MOB3B: variants seen among roughly 807,000 people sequenced by gnomAD.
The protein encoded by MOB3B is MOB kinase activator 3B.
Under a neutral mutation model 18.7 loss-of-function variants are expected in MOB3B, and 7 were observed. That is an observed-to-expected ratio of 0.37 (90% CI 0.21 to 0.70). The LOEUF (loss-of-function observed/expected upper bound fraction) is 0.70. MOB3B is among the 30% of genes least tolerant of loss of function. MOB3B has a pLI of 0.52. For synonymous variants in MOB3B, 111 were observed against 99.9 expected (o/e 1.11, Z -0.66); for missense variants, 253 against 281.3 (o/e 0.90, Z 0.72).
chr9:27,467,383 A>C (rs1443544145), intron 1 of MOB3B, among the ~76,000 whole-genome samples: 1 of 152,222 alleles, frequency 6.6e-6, no homozygotes, highest in Non-Finnish European at 1.5e-5. Context: ...AGATAGGTAA[A>C]TGTCAAGTGT....
At chr9:27,414,606 T>A (rs1458744783) in intron 2 of MOB3B, among the ~76,000 whole-genome samples, 1 of 152,242 alleles carries the variant, frequency 6.6e-6, no homozygotes, top group Non-Finnish European at 1.5e-5. Context: ...TTATACTCCC[T>A]ATGGCCTTGG....
At chr9:27,393,782 A>C (rs1403992751) in intron 2 of MOB3B, among the ~76,000 whole-genome samples, 1 of 152,208 alleles carries the variant, frequency 6.6e-6, no homozygotes, top group African/African-American at 2.4e-5. Flanking sequence ...CACTTGCTTA[A>C]GATCACCCAG....
rs761064253 is a variant in MOB3B, at chr9:27,350,180, G to A, written c.621+8854C>T. Among the ~76,000 whole-genome samples the A allele has an allele frequency of 1.1e-3, 139 of 128,570 alleles. 1 individual carries two copies. The highest frequency in any genetic ancestry group is 4.1e-3 in the African/African-American group (137 of 33,790). The allele number at this position is 128,570 out of a possible 152,430, so 84.3% of individuals were successfully genotyped here. A position where few individuals can be genotyped will look rare whatever the true frequency, so the allele number is the denominator to read the frequency against. On this transcript the variant is annotated intron_variant, in intron 3 of 3. Coordinates refer to ENST00000262244, the MANE Select transcript of MOB3B (RefSeq NM_024761.5). ...GTATAAAGTTTGATTTTTCTGATTA[G>A]AAAAGTGACACATGTTTGTGACAGA...
chr9:27,369,808 A>G (rs1206501011), intron 2 of MOB3B, among the ~76,000 whole-genome samples: 1 of 152,178 alleles, frequency 6.6e-6, no homozygotes, highest in East Asian at 1.9e-4. Context: ...TTGTTATTCA[A>G]ACCTTAACTA....
At chr9:27,472,614 A>C (rs1250741172) in intron 1 of MOB3B, among the ~76,000 whole-genome samples, 1 of 151,256 alleles carries the variant, frequency 6.6e-6, no homozygotes, top group African/African-American at 2.4e-5. Flanking sequence ...TCAGCCCAGC[A>C]AGAGACCAAA....
At chr9:27,502,818 A>C (rs1386089540) in intron 1 of MOB3B, among the ~76,000 whole-genome samples, 1 of 152,242 alleles carries the variant, frequency 6.6e-6, no homozygotes, top group Non-Finnish European at 1.5e-5. Flanking sequence ...GTCTTTCTAA[A>C]GAGAATGTCA....
At chr9:27,381,114 A>C (rs1440236529) in intron 2 of MOB3B, among the ~76,000 whole-genome samples, 1 of 152,154 alleles carries the variant, frequency 6.6e-6, no homozygotes, top group East Asian at 1.9e-4. Context: ...TACTGCAGGC[A>C]TGGAGGTGCT....
At chr9:27,519,445 T>C (rs1820292095) in intron 1 of MOB3B, among the ~76,000 whole-genome samples, 1 of 152,228 alleles carries the variant, frequency 6.6e-6, no homozygotes, top group Non-Finnish European at 1.5e-5. Context: ...TTTATAATCC[T>C]GTATTGCCAA....
intron 3 of MOB3B, among the ~76,000 whole-genome samples, chr9:27,342,800 T>G (rs1037925975): frequency 1.3e-5 from 2 of 151,806 alleles, no homozygotes; most frequent in South Asian, 4.2e-4. Flanking sequence ...TGCAGTGGCC[T>G]GATCTCCGCT....
intron 2 of MOB3B, chr9:27,378,483 C>T (rs1044573413): frequency 3.4e-5 from 16 of 471,056 alleles, no homozygotes; most frequent in East Asian, 2.8e-4. Flanking sequence ...CTACTCCTGG[C>T]GCAAGGGCAA....
At chr9:27,417,001 T>A (rs2131407404) in intron 2 of MOB3B, among the ~76,000 whole-genome samples, 1 of 152,246 alleles carries the variant, frequency 6.6e-6, no homozygotes, top group South Asian at 2.1e-4. Flanking sequence ...GAAACAATGT[T>A]ATTGGGATTT....
intron 1 of MOB3B, among the ~76,000 whole-genome samples, chr9:27,463,828 C>T (rs13293316): frequency 0.11 from 16,665 of 151,882 alleles, 1,224 homozygotes; most frequent in East Asian, 0.23. Context: ...CAGTGGGACA[C>T]GCCTGTAGTC....
chr9:27,460,575 C>T (rs1359352368), intron 1 of MOB3B, among the ~76,000 whole-genome samples: 1 of 152,152 alleles, frequency 6.6e-6, no homozygotes, highest in East Asian at 1.9e-4. Context: ...CTTCTCTAGC[C>T]AGGCCCACCT....
chr9:27,352,197 G>A (rs1229342105), intron 3 of MOB3B, among the ~76,000 whole-genome samples: 1 of 151,916 alleles, frequency 6.6e-6, no homozygotes, highest in Non-Finnish European at 1.5e-5. Flanking sequence ...CCTGGGAAAC[G>A]TAGTGAGACC....
intron 2 of MOB3B, among the ~76,000 whole-genome samples, chr9:27,452,470 G>T (rs1332749325): frequency 6.6e-6 from 1 of 152,070 alleles, no homozygotes; most frequent in Non-Finnish European, 1.5e-5. Flanking sequence ...ACTTCTGGGG[G>T]AATGAAAAAT....
intron 1 of MOB3B, among the ~76,000 whole-genome samples, chr9:27,503,063 T>A (rs891587948): frequency 2.0e-5 from 3 of 152,172 alleles, no homozygotes; most frequent in Admixed American, 1.3e-4. Context: ...GCTGACTTCA[T>A]TGTTTCCCAA....
chr9:27,497,698 G>A (rs1238789485), intron 1 of MOB3B, among the ~76,000 whole-genome samples: 1 of 152,056 alleles, frequency 6.6e-6, no homozygotes, highest in Non-Finnish European at 1.5e-5. Flanking sequence ...TCTTAGCAAT[G>A]TGAATATAGT....
intron 2 of MOB3B, among the ~76,000 whole-genome samples, chr9:27,390,354 C>T (rs1251640603): frequency 6.6e-6 from 1 of 152,172 alleles, no homozygotes; most frequent in Non-Finnish European, 1.5e-5. Context: ...AGGCACCCGC[C>T]ACAACTGTGG....
intron 2 of MOB3B, among the ~76,000 whole-genome samples, chr9:27,367,027 C>A (rs1821351953): frequency 6.6e-6 from 1 of 152,186 alleles, no homozygotes; most frequent in African/African-American, 2.4e-5. Context: ...TCCAGACTGG[C>A]CACTCTGTGA....
Sources: gnomAD v4.1 joint callset for allele counts (sites outside exome capture counted in the v4.1 genomes callset) on GRCh38, gnomAD v4.1.1 for gene constraint, MANE v1.5 for transcripts, NCBI Gene and HGNC (gene_info 2026-07-23, HGNC 2026-07-21) for gene names.